TRIM71: variants seen among roughly 807,000 people sequenced by gnomAD.
TRIM71 encodes the protein E3 ubiquitin-protein ligase TRIM71.
In TRIM71, 9 loss-of-function variants were observed where a neutral mutation model predicts 61.2. That is an observed-to-expected ratio of 0.15 (90% confidence interval 0.09 to 0.26). The LOEUF is 0.26. Among genes scored for constraint, TRIM71 ranks in the 10% least tolerant of loss-of-function variants. TRIM71 has a pLI of 1.00. For missense variants in TRIM71, 998 were observed against 1,238.7 expected, an observed-to-expected ratio of 0.81 and a Z score of 2.92; for synonymous variants, 645 against 553.2, an observed-to-expected ratio of 1.17 and a Z score of -2.33.
chr3:32,879,707 T>G (rs951616850), intron 2 of TRIM71, among the ~76,000 whole-genome samples: 6 of 148,326 alleles, frequency 4.0e-5, no homozygotes, highest in African/African-American at 1.5e-4. Context: ...GTACTGTAGC[T>G]CAAAACTGTA....
At chr3:32,861,565 A>G (rs1474453834) in intron 1 of TRIM71, among the ~76,000 whole-genome samples, 1 of 152,120 alleles carries the variant, frequency 6.6e-6, no homozygotes, top group African/African-American at 2.4e-5. Flanking sequence ...TGTCTCTACA[A>G]AAAAATAAAA....
At chr3:32,888,532 T>G (rs886758632) in intron 3 of TRIM71, among the ~76,000 whole-genome samples, 1 of 149,798 alleles carries the variant, frequency 6.7e-6, no homozygotes, top group Non-Finnish European at 1.5e-5. Flanking sequence ...CCTTTTGCGG[T>G]TTGTTGTTGT....
At chr3:32,866,468 C>T (rs1472796179) in intron 1 of TRIM71, among the ~76,000 whole-genome samples, 1 of 152,068 alleles carries the variant, frequency 6.6e-6, no homozygotes, top group Non-Finnish European at 1.5e-5. Flanking sequence ...AACAAGTGAT[C>T]TGCCCTCTTC....
chr3:32,896,195 G>A lies in TRIM71; in HGVS notation c.*4384G>A, dbSNP rs985276846. The A allele has an allele frequency of 3.9e-5, 6 of 152,032 alleles. No homozygotes were observed. The highest frequency in any genetic ancestry group is 9.7e-5 in the African/African-American group (4 of 41,390). 9.4% of individuals were successfully genotyped at this position (152,032 alleles called of 1,614,324 possible). On this transcript the variant is annotated 3_prime_UTR_variant, in exon 4 of 4. Transcript: ENST00000383763. ...GAGAAAAATATTTTATCTGTATTTC[G>A]AATGTCTGCAAATAATACCCTTTAG...
At chr3:32,862,133 C>G (rs190563525) in intron 1 of TRIM71, among the ~76,000 whole-genome samples, 1 of 152,146 alleles carries the variant, frequency 6.6e-6, no homozygotes, top group Non-Finnish European at 1.5e-5. Context: ...TAGGCCTTAT[C>G]AACCAATAGG....
chr3:32,870,934 TC>T (rs1212975698), intron 1 of TRIM71, among the ~76,000 whole-genome samples: 1 of 151,448 alleles, frequency 6.6e-6, no homozygotes, highest in Admixed American at 6.6e-5. Context: ...CACCTCAGGC[TC>T]CTGAGTACAA....
At chr3:32,850,064 G>C (rs1314774783) in intron 1 of TRIM71, among the ~76,000 whole-genome samples, 2 of 152,212 alleles carry the variant, frequency 1.3e-5, no homozygotes, top group Non-Finnish European at 2.9e-5. Context: ...GATGGTTTCA[G>C]AATTTAGGCC....
chr3:32,873,704 C>A, intron 1 of TRIM71, 114 bp from the exon 2 acceptor site: 1 of 997,142 alleles, frequency 1.0e-6, no homozygotes, highest in Non-Finnish European at 1.4e-6. Flanking sequence ...GGTGTGCTTG[C>A]TCATTGGGGA....
At chr3:32,829,610 C>T (rs1261083502) in intron 1 of TRIM71, among the ~76,000 whole-genome samples, 1 of 138,274 alleles carries the variant, frequency 7.2e-6, no homozygotes, top group Non-Finnish European at 1.6e-5. Context: ...ATTTAGTAAG[C>T]ATTAATGTCA....
chr3:32,857,800 G>A (rs1286824584), intron 1 of TRIM71, among the ~76,000 whole-genome samples: 1 of 152,118 alleles, frequency 6.6e-6, no homozygotes, highest in African/African-American at 2.4e-5. Context: ...GCGAAACCGT[G>A]TCTGTACTAA....
chr3:32,825,691 C>T (rs1023279481), intron 1 of TRIM71, among the ~76,000 whole-genome samples: 10 of 152,020 alleles, frequency 6.6e-5, no homozygotes, highest in African/African-American at 2.2e-4. Context: ...ATTTTGGAAG[C>T]GAGCAAGAGA....
chr3:32,879,687 A>T (rs115650251), intron 2 of TRIM71, among the ~76,000 whole-genome samples: 3,227 of 137,394 alleles, frequency 0.023, 116 homozygotes, highest in African/African-American at 0.079. Context: ...AAAAAAAAAA[A>T]ACTGGCTGAG....
chr3:32,851,033 G>C (rs1246823833), intron 1 of TRIM71, among the ~76,000 whole-genome samples: 1 of 152,148 alleles, frequency 6.6e-6, no homozygotes. Flanking sequence ...CCACTTTCCT[G>C]TTTTGTTTTC....
In TRIM71 at chr3:32,846,609, C is replaced by G. The variant is rs140094252; in HGVS notation, c.853-27209C>G. ...TGAAAACTTAAGTCTTCCTGTCTAA[C>G]TGAAACTTTTAACCGACATCTCCCC... is the stretch of plus-strand genomic sequence containing the variant. On this transcript the variant is annotated intron_variant, in intron 1 of 3. Coordinates refer to ENST00000383763, the MANE Select transcript of TRIM71 (RefSeq NM_001039111.3). 2.3e-3 allele frequency among the ~76,000 whole-genome samples: 353 copies of G among 152,270 alleles called. 2 individuals carry two copies. Among genetic ancestry groups the G allele is most frequent in the Middle Eastern group, 0.01 (3 of 294 alleles).
At chr3:32,839,172 G>A (rs1444596362) in intron 1 of TRIM71, among the ~76,000 whole-genome samples, 1 of 152,100 alleles carries the variant, frequency 6.6e-6, no homozygotes, top group African/African-American at 2.4e-5. Flanking sequence ...TCATGGACCA[G>A]CTATTATACA....
At chr3:32,860,571 G>A (rs1401233960) in intron 1 of TRIM71, among the ~76,000 whole-genome samples, 1 of 152,184 alleles carries the variant, frequency 6.6e-6, no homozygotes. Flanking sequence ...ATTATTGATG[G>A]TTGGTAAGAG....
At chr3:32,889,767 T>C (rs1251025299) in intron 3 of TRIM71, among the ~76,000 whole-genome samples, 1 of 151,968 alleles carries the variant, frequency 6.6e-6, no homozygotes, top group Admixed American at 6.6e-5. Flanking sequence ...TTTTTGTTAT[T>C]TTTAGTAGAG....
chr3:32,842,287 T>C (rs1696415716), intron 1 of TRIM71, among the ~76,000 whole-genome samples: 1 of 152,228 alleles, frequency 6.6e-6, no homozygotes, highest in Non-Finnish European at 1.5e-5. Context: ...AGCCAAACCA[T>C]GGTCTCAATC....
At chr3:32,827,678 G>A (rs1575340860) in intron 1 of TRIM71, among the ~76,000 whole-genome samples, 1 of 152,076 alleles carries the variant, frequency 6.6e-6, no homozygotes, top group South Asian at 2.1e-4. Context: ...GAATAAAGTG[G>A]GTGCAGATCA....
Sources: allele counts gnomAD v4.1 joint callset (sites outside exome capture counted in the v4.1 genomes callset), GRCh38; gene constraint gnomAD v4.1.1; transcripts MANE v1.5; gene names NCBI Gene and HGNC (gene_info 2026-07-23, HGNC 2026-07-21).